The following ZNF516 variants were observed in gnomAD, a reference collection of about 807,000 sequenced individuals.
ZNF516 encodes the protein zinc finger protein 516.
In ZNF516, 19 loss-of-function variants were observed where a neutral mutation model predicts 79.7. That is an observed-to-expected ratio of 0.24 (90% CI 0.17 to 0.35). ZNF516 has a LOEUF of 0.35. ZNF516 is among the 10% of genes least tolerant of loss of function. The pLI is 1.00. For missense variants in ZNF516, 1,678 were observed against 1,679.5 expected (o/e 1.00, Z 0.02); for synonymous variants, 877 against 739.5 (o/e 1.19, Z -3.02).
chr18:76,493,236 T>G lies in ZNF516; in HGVS notation c.-272+1908A>C, dbSNP rs1231942504. 2.1e-6 allele frequency: 2 copies of G among 956,986 alleles called. No individual in the cohort carries two copies. The highest frequency in any genetic ancestry group is 3.6e-5 in the African/African-American group (2 of 56,274). 59.3% of individuals were successfully genotyped at this position (956,986 alleles called of 1,614,324 possible). ...AGACGATATCCATTTAAATATATTT[T>G]GTACTTCCACAAAGGATGGAAAGGG... is the stretch of plus-strand genomic sequence containing the variant. On this transcript the variant is annotated intron_variant, in intron 1 of 6. Transcript: ENST00000443185. The surrounding 1 kb of genome is among the most constrained non-coding windows in gnomAD (Gnocchi z 5.2).
At chr18:76,431,747 C>T (rs1747721651) in intron 3 of ZNF516, among the ~76,000 whole-genome samples, 2 of 152,228 alleles carry the variant, frequency 1.3e-5, no homozygotes, top group African/African-American at 4.8e-5. Context: ...GATCTTCCAC[C>T]ATGATCCTAA....
chr18:76,448,371 T>C (rs751035540), intron 2 of ZNF516, among the ~76,000 whole-genome samples: 1 of 152,248 alleles, frequency 6.6e-6, no homozygotes, highest in Non-Finnish European at 1.5e-5. Context: ...CAATCCCTTC[T>C]GTAAGTGAGG....
At chr18:76,391,504 A>G (rs1221576172) in intron 3 of ZNF516, among the ~76,000 whole-genome samples, 1 of 151,874 alleles carries the variant, frequency 6.6e-6, no homozygotes, top group Non-Finnish European at 1.5e-5. Context: ...ACCTAACCCA[A>G]CTCTAAACCT....
chr18:76,403,397 A>C (rs925447208), intron 3 of ZNF516, among the ~76,000 whole-genome samples: 1 of 152,220 alleles, frequency 6.6e-6, no homozygotes, highest in South Asian at 2.1e-4. Flanking sequence ...TCATGCATTC[A>C]TGGACATACA....
At chr18:76,440,974 C>G (rs1266663569) in intron 3 of ZNF516, among the ~76,000 whole-genome samples, 1 of 152,164 alleles carries the variant, frequency 6.6e-6, no homozygotes, top group Non-Finnish European at 1.5e-5. Flanking sequence ...GTGTCTGTGT[C>G]TGCACTCCAA....
At chr18:76,457,888 ACT>A (rs1881561645) in intron 2 of ZNF516, among the ~76,000 whole-genome samples, 1 of 152,066 alleles carries the variant, frequency 6.6e-6, no homozygotes, top group Non-Finnish European at 1.5e-5. Flanking sequence ...TTTCCATGCC[ACT>A]CTCTGAAAGA....
chr18:76,361,681 T>C lies in ZNF516; in HGVS notation c.*817A>G, dbSNP rs1390303279. The stretch of plus-strand genomic sequence containing the variant: ...CTTCCTTTGTAAGCAGTTTGCAGAA[T>C]GTAGCCCTGTTACAAAAAGGTCCTG... On this transcript the variant is annotated 3_prime_UTR_variant, in exon 7 of 7. Transcript: ENST00000443185. The C allele has an allele frequency of 6.6e-6, 1 of 152,254 alleles. No homozygotes were observed. Among genetic ancestry groups the C allele is most frequent in the African/African-American group, 2.4e-5 (1 of 41,466 alleles). The allele number at this position is 152,254 out of a possible 1,614,324, so 9.4% of individuals were successfully genotyped here. A position where few individuals can be genotyped will look rare whatever the true frequency, so the allele number is the denominator to read the frequency against.
intron 3 of ZNF516, among the ~76,000 whole-genome samples, chr18:76,437,490 A>G (rs2075759017): frequency 6.6e-6 from 1 of 151,536 alleles, no homozygotes; most frequent in African/African-American, 2.4e-5. Flanking sequence ...CAAATTGCAT[A>G]TAATACCAAG....
Position 76,488,998 on chromosome 18 carries a change from A to G in ZNF516, c.-272+6146T>C, listed in dbSNP as rs74379748. On this transcript the variant is annotated intron_variant, in intron 1 of 6. Coordinates refer to ENST00000443185, the MANE Select transcript of ZNF516 (RefSeq NM_014643.4). The stretch of plus-strand genomic sequence containing the variant: ...CATTTAAACAAGCATATTATACAGG[A>G]AAGTGCACACGTTTGGACAAGCTCC... Among the ~76,000 whole-genome samples, 1,086 of 152,346 alleles carry G rather than the reference A, an allele frequency of 7.1e-3. 13 individuals carry two copies. Among genetic ancestry groups the G allele is most frequent in the African/African-American group, 0.025 (1,039 of 41,584 alleles).
chr18:76,431,790 G>A (rs112238376), intron 3 of ZNF516, among the ~76,000 whole-genome samples: 2,405 of 152,270 alleles, frequency 0.016, 29 homozygotes, highest in Middle Eastern at 0.041. Flanking sequence ...GCAGATGCTG[G>A]CACCATGCTC....
At chr18:76,440,970 G>A (rs1049778493) in intron 3 of ZNF516, among the ~76,000 whole-genome samples, 1 of 152,214 alleles carries the variant, frequency 6.6e-6, no homozygotes, top group African/African-American at 2.4e-5. Context: ...ATGGGTGTCT[G>A]TGTCTGCACT....
intron 1 of ZNF516, among the ~76,000 whole-genome samples, chr18:76,477,835 A>G (rs1204597584): frequency 1.3e-5 from 2 of 152,044 alleles, no homozygotes; most frequent in African/African-American, 4.8e-5. Context: ...TCCTTTAAGA[A>G]GATGCTTTAA....
At chr18:76,432,227 G>A (rs906508096) in intron 3 of ZNF516, among the ~76,000 whole-genome samples, 4 of 152,142 alleles carry the variant, frequency 2.6e-5, no homozygotes, top group Admixed American at 6.5e-5. Flanking sequence ...CTCTGCCTTC[G>A]GCACCAACAC....
At chr18:76,384,384 C>G (rs1240170652) in intron 3 of ZNF516, among the ~76,000 whole-genome samples, 1 of 135,546 alleles carries the variant, frequency 7.4e-6, no homozygotes, top group African/African-American at 2.9e-5. Context: ...ACACCCCCAC[C>G]ACGGGCCGCA....
chr18:76,388,645 A>T (rs1435321515), intron 3 of ZNF516: 1 of 152,328 alleles, frequency 6.6e-6, no homozygotes, highest in African/African-American at 2.4e-5. Context: ...AGACCAAAGC[A>T]GCACAGAGAC....
intron 5 of ZNF516, 42 bp from the exon 6 acceptor site, chr18:76,370,637 T>C: frequency 1.3e-6 from 2 of 1,521,296 alleles, no homozygotes; most frequent in Non-Finnish European, 1.8e-6. Flanking sequence ...GCGTGTGAGC[T>C]TCCGGACGTG....
chr18:76,360,868 GGTGTGTGTGTGTGTTT>G lies in ZNF516; in HGVS notation c.*1614_*1629del, dbSNP rs1186202146. On this transcript the variant is annotated 3_prime_UTR_variant, in exon 7 of 7. Coordinates refer to ENST00000443185, the MANE Select transcript of ZNF516 (RefSeq NM_014643.4). ...TTAGAACAGGAAACCCACACTTTAG[GGTGTGTGTGTGTGTTT>G]GTGTGTGTGTGTGTCTGTGTTTAAA... The G allele has an allele frequency of 6.7e-6, 1 of 148,876 alleles. No homozygotes were observed. The highest frequency in any genetic ancestry group is 1.5e-5 in the Non-Finnish European group (1 of 67,238). The allele number at this position is 148,876 out of a possible 1,614,324, so 9.2% of individuals were successfully genotyped here. A position where few individuals can be genotyped will look rare whatever the true frequency, so the allele number is the denominator to read the frequency against.
At chr18:76,438,909 T>C (rs974933648) in intron 3 of ZNF516, among the ~76,000 whole-genome samples, 1 of 152,226 alleles carries the variant, frequency 6.6e-6, no homozygotes, top group Non-Finnish European at 1.5e-5. Flanking sequence ...TGATCTTTCG[T>C]TCCTCAATTC....
chr18:76,478,177 G>A (rs9945370), intron 1 of ZNF516, among the ~76,000 whole-genome samples: 50,875 of 152,054 alleles, frequency 0.33, 9,204 homozygotes, highest in East Asian at 0.41. Context: ...GATTCATAAA[G>A]AGAGTGACAA....
Sources: allele counts gnomAD v4.1 joint callset (sites outside exome capture counted in the v4.1 genomes callset), GRCh38; gene constraint gnomAD v4.1.1; non-coding constraint Gnocchi (gnomAD v3.1); transcripts MANE v1.5; gene names NCBI Gene and HGNC (gene_info 2026-07-23, HGNC 2026-07-21).